Variants in RSPH9 observed in about 807,000 individuals in gnomAD.
RSPH9 encodes radial spoke head protein 9 homolog.
In RSPH9, 27 loss-of-function variants were observed where a neutral mutation model predicts 27.0. That is an observed-to-expected ratio of 1.00 (90% CI 0.74 to 1.38). The LOEUF is 1.38. Ranked by LOEUF, RSPH9 falls within the 40% of genes most tolerant of loss-of-function variation. The probability of loss-of-function intolerance (pLI) is 0.00; values close to 1 mark genes in which losing one functional copy is unlikely to be tolerated. For missense variants in RSPH9, 347 were observed against 357.4 expected, an observed-to-expected ratio of 0.97 and a Z score of 0.24; for synonymous variants, 145 against 147.7, an observed-to-expected ratio of 0.98 and a Z score of 0.13.
chr6:43,652,287 C>G (rs1771557836), intron 2 of RSPH9, among the ~76,000 whole-genome samples: 1 of 144,032 alleles, frequency 6.9e-6, no homozygotes, highest in African/African-American at 2.6e-5. Flanking sequence ...GCCTGGGCGA[C>G]AGAGTGAGAC....
Position 43,672,598 on chromosome 6 carries a change from C to G in RSPH9, c.*1649C>G. The G allele has an allele frequency of 3.0e-6, 1 of 328,714 alleles. No individual in the cohort carries two copies. Among genetic ancestry groups the G allele is most frequent in the South Asian group, 2.3e-5 (1 of 42,748 alleles). The allele number at this position is 328,714 out of a possible 1,614,324, so 20.4% of individuals were successfully genotyped here. A position where few individuals can be genotyped will look rare whatever the true frequency, so the allele number is the denominator to read the frequency against. ...GTCCAGAATAAAACTTGGATCCTGT[C>G]CAGAAAGGCCCATCCTTCATTCTGA... is the stretch of plus-strand genomic sequence containing the variant. On this transcript the variant is annotated 3_prime_UTR_variant, in exon 5 of 5. Coordinates refer to ENST00000372163, the MANE Select transcript of RSPH9 (RefSeq NM_152732.5).
chr6:43,670,078 A>C (rs2127935598), intron 4 of RSPH9, among the ~76,000 whole-genome samples: 1 of 152,346 alleles, frequency 6.6e-6, no homozygotes, highest in South Asian at 2.1e-4. Flanking sequence ...CAAAATGGCA[A>C]GTAGTGGCAA....
chr6:43,651,701 G>A (rs1771486412), intron 2 of RSPH9, among the ~76,000 whole-genome samples: 1 of 151,720 alleles, frequency 6.6e-6, no homozygotes, highest in Admixed American at 6.6e-5. Flanking sequence ...GGTGCCTGAT[G>A]CCACACCCAG....
At position 43,671,228 on chromosome 6, in the gene RSPH9, A is replaced by G. The variant is rs1488311645; in HGVS notation, c.*279A>G. Reference sequence around the variant, plus strand: ...TTGAGGAACGCAGTTTCTTGGATTCACACGAGAGCGGCAAGTGTGTCAGGC... The same window carrying G: ...TTGAGGAACGCAGTTTCTTGGATTCGCACGAGAGCGGCAAGTGTGTCAGGC... On this transcript the variant is annotated 3_prime_UTR_variant, in exon 5 of 5. Coordinates refer to ENST00000372163, the MANE Select transcript of RSPH9 (RefSeq NM_152732.5). 3.6e-6 allele frequency: 2 copies of G among 552,648 alleles called. No homozygotes were observed. The highest frequency in any genetic ancestry group is 3.2e-6 in the Non-Finnish European group (1 of 309,116). The allele number at this position is 552,648 out of a possible 1,614,324, so 34.2% of individuals were successfully genotyped here. A position where few individuals can be genotyped will look rare whatever the true frequency, so the allele number is the denominator to read the frequency against.
chr6:43,649,191 T>C (rs370824592), intron 1 of RSPH9, among the ~76,000 whole-genome samples: 10 of 151,952 alleles, frequency 6.6e-5, no homozygotes, highest in African/African-American at 2.4e-4. Flanking sequence ...GTTTTTGTTT[T>C]TGTTTTGTTT....
At position 43,648,283 on chromosome 6, in the gene RSPH9, A is replaced by G. The variant is rs6903327; in HGVS notation, c.228-2092A>G. ...AAACTCTGTCTCAAAAAAAAAAAAA[A>G]GAATACAAGATGGGGTACTATTTTA... On this transcript the variant is annotated intron_variant, in intron 1 of 4. Transcript: ENST00000372163. 9.2e-3 allele frequency among the ~76,000 whole-genome samples: 1,403 copies of G among 151,916 alleles called. 20 individuals are homozygous for G. The highest frequency in any genetic ancestry group is 0.032 in the African/African-American group (1,345 of 41,476).
chr6:43,647,569 A>C (rs1771017738), intron 1 of RSPH9, among the ~76,000 whole-genome samples: 1 of 152,212 alleles, frequency 6.6e-6, no homozygotes, highest in African/African-American at 2.4e-5. Context: ...GACCCCTCCT[A>C]GCTTAGGCAG....
intron 3 of RSPH9, among the ~76,000 whole-genome samples, chr6:43,656,176 C>T (rs926519329): frequency 1.3e-5 from 2 of 151,716 alleles, no homozygotes; most frequent in Non-Finnish European, 2.9e-5. Context: ...ACCCCTGCCT[C>T]CTGGGTTCAA....
chr6:43,651,346 G>A (rs538236977), intron 2 of RSPH9, among the ~76,000 whole-genome samples: 1 of 152,288 alleles, frequency 6.6e-6, no homozygotes, highest in East Asian at 1.9e-4. Flanking sequence ...ACTGGGAAGA[G>A]GGGGTGCTCT....
At chr6:43,655,530 C>T in intron 2 of RSPH9, 32 bp from the exon 3 acceptor site, 1 of 1,613,962 alleles carries the variant, frequency 6.2e-7, no homozygotes, top group African/African-American at 1.3e-5. Context: ...GCACAGTGCC[C>T]TGGCAGGGGG....
At chr6:43,658,506 G>T (rs1363522729) in intron 4 of RSPH9, among the ~76,000 whole-genome samples, 1 of 151,940 alleles carries the variant, frequency 6.6e-6, no homozygotes, top group African/African-American at 2.4e-5. Flanking sequence ...TCTTTATTTC[G>T]TAACAATACT....
chr6:43,655,718 G>A, intron 3 of RSPH9, 27 bp downstream of exon 3: 2 of 1,614,000 alleles, frequency 1.2e-6, no homozygotes, highest in Non-Finnish European at 1.7e-6. Flanking sequence ...CCCTCTCAAG[G>A]GCTGGGGGTA....
Position 43,671,643 on chromosome 6 carries a change from G to A in RSPH9, c.*694G>A, listed in dbSNP as rs1582404544. 2.5e-6 allele frequency: 3 copies of A among 1,212,930 alleles called. No individual in the cohort carries two copies. Among genetic ancestry groups the A allele is most frequent in the Non-Finnish European group, 3.6e-6 (3 of 839,216 alleles). The allele number at this position is 1,212,930 out of a possible 1,614,324, so 75.1% of individuals were successfully genotyped here. ...CACTGTCCCCTGTCCATGCATGTTG[G>A]AGGGACCAGGCCATCGTGGTGGGGT... On this transcript the variant is annotated 3_prime_UTR_variant, in exon 5 of 5. Coordinates refer to ENST00000372163, the MANE Select transcript of RSPH9 (RefSeq NM_152732.5).
At chr6:43,648,067 C>G (rs531310574) in intron 1 of RSPH9, among the ~76,000 whole-genome samples, 3 of 152,030 alleles carry the variant, frequency 2.0e-5, no homozygotes, top group Non-Finnish European at 4.4e-5. Context: ...GTCAGGAGTT[C>G]GAGACCAGCC....
chr6:43,665,542 G>A (rs993438479), intron 4 of RSPH9, among the ~76,000 whole-genome samples: 2 of 152,200 alleles, frequency 1.3e-5, no homozygotes, highest in Non-Finnish European at 2.9e-5. Flanking sequence ...GTGGCATCTG[G>A]GCCTGGCAGG....
chr6:43,655,529 C>T (rs1561939737), intron 2 of RSPH9, 33 bp from the exon 3 acceptor site: 1 of 1,613,918 alleles, frequency 6.2e-7, no homozygotes, highest in Non-Finnish European at 8.5e-7. Context: ...GGCACAGTGC[C>T]CTGGCAGGGG....
At position 43,671,381 on chromosome 6, in the gene RSPH9, A is replaced by G. The variant is rs2127937481; in HGVS notation, c.*432A>G. On this transcript the variant is annotated 3_prime_UTR_variant, in exon 5 of 5. Coordinates refer to ENST00000372163, the MANE Select transcript of RSPH9 (RefSeq NM_152732.5). Reference sequence around the variant, plus strand: ...CCCATCACAAGAGATCAGTGACTCAATGCTCAGCACCCAGCTGGCAATGTG... The same window carrying G: ...CCCATCACAAGAGATCAGTGACTCAGTGCTCAGCACCCAGCTGGCAATGTG... The G allele has an allele frequency of 2.5e-6, 1 of 397,730 alleles. No homozygotes were observed. Among genetic ancestry groups the G allele is most frequent in the South Asian group, 2.7e-5 (1 of 36,712 alleles). The allele number at this position is 397,730 out of a possible 1,614,324, so 24.6% of individuals were successfully genotyped here.
At position 43,672,358 on chromosome 6, in the gene RSPH9, T is replaced by G; in HGVS notation, c.*1409T>G. Reference sequence around the variant, plus strand: ...AGGGAACTCCCCAGGGTACTATAACTGGTATAAGACCCCTGCCCCTCACCC... The same window carrying G: ...AGGGAACTCCCCAGGGTACTATAACGGGTATAAGACCCCTGCCCCTCACCC... On this transcript the variant is annotated 3_prime_UTR_variant, in exon 5 of 5. Coordinates refer to ENST00000372163, the MANE Select transcript of RSPH9 (RefSeq NM_152732.5). 2.1e-6 allele frequency: 1 copy of G among 472,190 alleles called. No individual in the cohort carries two copies. Among genetic ancestry groups the G allele is most frequent in the Non-Finnish European group, 4.4e-6 (1 of 227,588 alleles). 29.3% of individuals were successfully genotyped at this position (472,190 alleles called of 1,614,324 possible).
At chr6:43,659,677 C>T (rs938559729) in intron 4 of RSPH9, among the ~76,000 whole-genome samples, 18 of 151,992 alleles carry the variant, frequency 1.2e-4, no homozygotes, top group Admixed American at 2.0e-4. Context: ...CCACCCCGCC[C>T]GGCCCATGTT....
Sources: allele counts gnomAD v4.1 joint callset (sites outside exome capture counted in the v4.1 genomes callset), GRCh38; gene constraint gnomAD v4.1.1; transcripts MANE v1.5; gene names NCBI Gene and HGNC (gene_info 2026-07-23, HGNC 2026-07-21).